Variants in IFT88 observed in about 807,000 individuals in gnomAD.
IFT88 encodes intraflagellar transport 88.
A neutral mutation model predicts 119.5 loss-of-function variants in IFT88; 74 were observed. That is an observed-to-expected ratio of 0.62 (90% CI 0.51 to 0.75). IFT88 has a LOEUF of 0.75. Among genes scored for constraint, IFT88 ranks in the 30% least tolerant of loss-of-function variants. The probability of loss-of-function intolerance (pLI) is 0.00; values close to 1 mark genes in which losing one functional copy is unlikely to be tolerated. For missense variants in IFT88, 961 were observed against 977.7 expected, an observed-to-expected ratio of 0.98 and a Z score of 0.23; for synonymous variants, 279 against 316.7, an observed-to-expected ratio of 0.88 and a Z score of 1.26.
At chr13:20,602,136 A>G (rs1379808854) in intron 12 of IFT88, among the ~76,000 whole-genome samples, 1 of 152,032 alleles carries the variant, frequency 6.6e-6, no homozygotes, top group East Asian at 1.9e-4. Flanking sequence ...TTATGGTTAA[A>G]ACAGACTGCA....
At chr13:20,580,812 G>A (rs150543118) in intron 2 of IFT88, among the ~76,000 whole-genome samples, 2,031 of 145,554 alleles carry the variant, frequency 0.014, 42 homozygotes, top group African/African-American at 0.05. Flanking sequence ...TGTAAGCTCC[G>A]CCTCCCAGGT....
intron 20 of IFT88, among the ~76,000 whole-genome samples, chr13:20,646,597 C>T (rs954177584): frequency 3.9e-5 from 6 of 151,986 alleles, no homozygotes; most frequent in East Asian, 1.9e-4. Flanking sequence ...GGATTACAGG[C>T]GTGAGACACC....
At chr13:20,591,565 T>A in intron 5 of IFT88, 53 bp from the exon 6 acceptor site, 1 of 1,349,472 alleles carries the variant, frequency 7.4e-7, no homozygotes, top group South Asian at 1.2e-5. Flanking sequence ...TGCAGAACTG[T>A]ACATAGGAGA....
Position 20,643,468 on chromosome 13 carries a change from G to A in IFT88, c.1696G>A (p.Glu566Lys). 6.3e-7 allele frequency: 1 copy of A among 1,597,640 alleles called. No individual in the cohort carries two copies. The highest frequency in any genetic ancestry group is 8.5e-7 in the Non-Finnish European group (1 of 1,175,804). ...ACATTGCATAAGATATGAATTAATG[G>A]AAAATCCCAGTCAAGCTATTGAATG... ...YQIANIYELM[E>K]NPSQAIEWLM... Residue 566 changes from glutamate to lysine, a missense_variant, in exon 19 of 26, where the codon GAA becomes AAA. Transcript: ENST00000351808.
chr13:20,590,042 T>G (rs1440930471), intron 4 of IFT88, among the ~76,000 whole-genome samples, 175 bp downstream of exon 4: 1 of 152,184 alleles, frequency 6.6e-6, no homozygotes, highest in African/African-American at 2.4e-5. Flanking sequence ...AATATTGTCA[T>G]TTTGATTTGT....
chr13:20,630,940 C>G (rs983933529), intron 15 of IFT88, 76 bp from the exon 16 acceptor site: 6 of 925,394 alleles, frequency 6.5e-6, no homozygotes, highest in Non-Finnish European at 1.0e-5. Context: ...TTCAGGAACA[C>G]TGATCTTTTC....
chr13:20,677,800 A>G (rs1297782219), intron 24 of IFT88, among the ~76,000 whole-genome samples: 1 of 152,254 alleles, frequency 6.6e-6, no homozygotes, highest in Non-Finnish European at 1.5e-5. Flanking sequence ...TGTCTAATGG[A>G]TAATGAAATC....
At chr13:20,614,463 T>C (rs892656096) in intron 13 of IFT88, 1 of 152,174 alleles carries the variant, frequency 6.6e-6, no homozygotes, top group Non-Finnish European at 1.5e-5. Flanking sequence ...AAATAGCCAA[T>C]TCTGGAAGAT....
intron 17 of IFT88, 21 bp from the exon 18 acceptor site, chr13:20,641,269 T>G (rs761379227): frequency 7.1e-7 from 1 of 1,417,852 alleles, no homozygotes; most frequent in South Asian, 1.3e-5. Flanking sequence ...TAGATTTTCT[T>G]TTTTTTCTTC....
At chr13:20,605,692 G>A (rs1159751197) in intron 13 of IFT88, among the ~76,000 whole-genome samples, 1 of 152,158 alleles carries the variant, frequency 6.6e-6, no homozygotes, top group Non-Finnish European at 1.5e-5. Flanking sequence ...GATGCCAGTT[G>A]TAAGCCTGTA....
intron 14 of IFT88, among the ~76,000 whole-genome samples, chr13:20,624,447 G>T (rs908148253): frequency 1.3e-5 from 2 of 152,146 alleles, no homozygotes; most frequent in Non-Finnish European, 2.9e-5. Context: ...CCTTCCACCA[G>T]GGTTTTGGGT....
chr13:20,643,419 T>C, intron 18 of IFT88, 36 bp from the exon 19 acceptor site: 1 of 1,537,950 alleles, frequency 6.5e-7, no homozygotes, highest in Non-Finnish European at 8.8e-7. Flanking sequence ...TTAATGAATT[T>C]AGAAAACATG....
At chr13:20,609,211 A>T (rs999917540) in intron 13 of IFT88, among the ~76,000 whole-genome samples, 1 of 152,224 alleles carries the variant, frequency 6.6e-6, no homozygotes, top group East Asian at 1.9e-4. Context: ...TGTGTGACAC[A>T]TTTGGGTATT....
intron 1 of IFT88, among the ~76,000 whole-genome samples, chr13:20,570,833 G>A (rs2036209596): frequency 7.3e-6 from 1 of 137,390 alleles, no homozygotes; most frequent in African/African-American, 2.7e-5. Context: ...ACCTTGAAAA[G>A]TTAAATTGTA....
chr13:20,593,791 T>G (rs557304276), intron 7 of IFT88, among the ~76,000 whole-genome samples: 1 of 152,230 alleles, frequency 6.6e-6, no homozygotes, highest in African/African-American at 2.4e-5. Flanking sequence ...GGCTCATGCC[T>G]ATAATCTCAG....
intron 2 of IFT88, among the ~76,000 whole-genome samples, chr13:20,579,519 C>A (rs1457484272): frequency 6.6e-6 from 1 of 152,130 alleles, no homozygotes; most frequent in African/African-American, 2.4e-5. Flanking sequence ...TGAATTCTGC[C>A]AGGCCTGGGA....
chr13:20,638,201 A>G, intron 16 of IFT88, 131 bp from the exon 17 acceptor site: 1 of 492,646 alleles, frequency 2.0e-6, no homozygotes, highest in Non-Finnish European at 3.3e-6. Context: ...TATCAAGACC[A>G]AGATATGTAA....
intron 22 of IFT88, among the ~76,000 whole-genome samples, chr13:20,660,915 G>A (rs2140772742): frequency 6.6e-6 from 1 of 152,274 alleles, no homozygotes; most frequent in South Asian, 2.1e-4. Flanking sequence ...AGTATATTTA[G>A]CACATATTTT....
At chr13:20,680,228 G>C (rs775600854) in intron 24 of IFT88, among the ~76,000 whole-genome samples, 6 of 152,148 alleles carry the variant, frequency 3.9e-5, no homozygotes, top group Non-Finnish European at 8.8e-5. Context: ...AGGCACTATC[G>C]CCAGCCAGGA....
Sources: allele counts gnomAD v4.1 joint callset (sites outside exome capture counted in the v4.1 genomes callset), GRCh38; gene constraint gnomAD v4.1.1; transcripts MANE v1.5; gene names NCBI Gene and HGNC (gene_info 2026-07-23, HGNC 2026-07-21).